The following AEBP2 variants were observed in gnomAD, a reference collection of about 807,000 sequenced individuals.
The protein encoded by AEBP2 is zinc finger protein AEBP2.
In AEBP2, 10 loss-of-function variants were observed where a neutral mutation model predicts 50.8. That is an observed-to-expected ratio of 0.20 (90% confidence interval 0.12 to 0.33). The LOEUF is 0.33. AEBP2 is among the 10% of genes least tolerant of loss of function. The pLI is 1.00. For missense variants in AEBP2, 570 were observed against 688.0 expected (o/e 0.83, Z 1.92); for synonymous variants, 296 against 261.3 (o/e 1.13, Z -1.28).
chr12:19,515,965 G>C (rs565988728), intron 7 of AEBP2, among the ~76,000 whole-genome samples: 2 of 152,160 alleles, frequency 1.3e-5, no homozygotes, highest in African/African-American at 4.8e-5. Context: ...CATGCCTGTG[G>C]TCCCAGCTAC....
Position 19,518,348 on chromosome 12 carries a change from A to T in AEBP2, c.*231A>T, listed in dbSNP as rs1188646458. On this transcript the variant is annotated 3_prime_UTR_variant, in exon 8 of 8. Coordinates refer to ENST00000266508, the MANE Select transcript of AEBP2 (RefSeq NM_153207.5). ...TTACTGTATATCCACATTTTCATGG[A>T]ATGGTACTGTGGGAGACTGAGCAAA... 1 of 1,250,838 alleles carries T rather than the reference A, an allele frequency of 8.0e-7. No individual in the cohort carries two copies. The highest frequency in any genetic ancestry group is 1.5e-5 in the African/African-American group (1 of 64,728). The allele number at this position is 1,250,838 out of a possible 1,614,324, so 77.5% of individuals were successfully genotyped here.
chr12:19,404,930 CTTTT>C (rs34351225), intron 1 of AEBP2, among the ~76,000 whole-genome samples: 6 of 95,714 alleles, frequency 6.3e-5, no homozygotes, highest in African/African-American at 2.2e-4. Flanking sequence ...CTTGGCTACT[CTTTT>C]TTTTTTTTTT....
At chr12:19,419,031 A>C (rs2095744151) in intron 1 of AEBP2, 1 of 161,392 alleles carries the variant, frequency 6.2e-6, no homozygotes, top group South Asian at 1.8e-4. Flanking sequence ...GCTAAACCAG[A>C]CATCGCCAGT....
At chr12:19,447,927 AC>A (rs1455605241) in intron 1 of AEBP2, among the ~76,000 whole-genome samples, 1 of 152,240 alleles carries the variant, frequency 6.6e-6, no homozygotes. Flanking sequence ...TACTTTAAAT[AC>A]AGTTAAACAA....
At chr12:19,471,522 GAGA>G (rs1160124432) in intron 2 of AEBP2, among the ~76,000 whole-genome samples, 1 of 150,930 alleles carries the variant, frequency 6.6e-6, no homozygotes, top group East Asian at 1.9e-4. Flanking sequence ...TTTTTTTGGA[GAGA>G]AGGTCTCACT....
At chr12:19,479,616 T>A (rs976387392) in intron 3 of AEBP2, among the ~76,000 whole-genome samples, 1 of 152,026 alleles carries the variant, frequency 6.6e-6, no homozygotes, top group Non-Finnish European at 1.5e-5. Flanking sequence ...AGTAATTATT[T>A]TATAAATTTG....
intron 6 of AEBP2, among the ~76,000 whole-genome samples, chr12:19,514,206 G>A (rs1949285474): frequency 6.6e-6 from 1 of 151,910 alleles, no homozygotes; most frequent in African/African-American, 2.4e-5. Flanking sequence ...CACCATGTTG[G>A]CCAGTGTGGT....
chr12:19,414,120 C>T (rs2095740916), intron 1 of AEBP2, among the ~76,000 whole-genome samples: 1 of 152,028 alleles, frequency 6.6e-6, no homozygotes, highest in Admixed American at 6.6e-5. Flanking sequence ...TCTTGAACTC[C>T]TGACCTCGTG....
upstream of AEBP2, among the ~76,000 whole-genome samples, chr12:19,436,310 C>G (rs1296110983): frequency 6.6e-6 from 1 of 152,150 alleles, no homozygotes; most frequent in East Asian, 1.9e-4. Flanking sequence ...ACTGCCCACC[C>G]TTTTCCTGGA....
chr12:19,452,588 C>G (rs1029068554), intron 1 of AEBP2, among the ~76,000 whole-genome samples: 6 of 152,084 alleles, frequency 3.9e-5, no homozygotes, highest in Middle Eastern at 3.4e-3. Flanking sequence ...CAAGCCTAGA[C>G]TAAATATTAG....
At chr12:19,415,841 G>C (rs2095742308) in intron 1 of AEBP2, among the ~76,000 whole-genome samples, 2 of 152,118 alleles carry the variant, frequency 1.3e-5, no homozygotes, top group South Asian at 4.1e-4. Context: ...AAGAACACTA[G>C]AGGATTCTGG....
intron 2 of AEBP2, among the ~76,000 whole-genome samples, chr12:19,468,126 T>TTGTGTGTG (rs10643072): frequency 0.08 from 11,496 of 143,952 alleles, 643 homozygotes; most frequent in Admixed American, 0.18. Flanking sequence ...CTGCCTGACT[T>TTGTGTGTG]TGTGTGTGTG....
chr12:19,456,827 A>G lies in AEBP2; in HGVS notation c.672-5683A>G. On this transcript the variant is annotated intron_variant, in intron 1 of 7. Coordinates refer to ENST00000266508, the MANE Select transcript of AEBP2 (RefSeq NM_153207.5). Reference sequence around the variant, plus strand: ...CCACCATACCAGGTTTGAGAACACCAGTCTCCACTCGGCCAACAGGAACAG... The same window carrying G: ...CCACCATACCAGGTTTGAGAACACCGGTCTCCACTCGGCCAACAGGAACAG... 16 of 1,547,352 alleles carry G rather than the reference A, an allele frequency of 1.0e-5. No homozygotes were observed. The South Asian group carries it at 1.8e-4, about 17-fold the overall frequency.
chr12:19,406,040 C>T (rs2095736117), intron 1 of AEBP2, among the ~76,000 whole-genome samples: 1 of 150,626 alleles, frequency 6.6e-6, no homozygotes, highest in Admixed American at 6.6e-5. Context: ...AATCTTGGCT[C>T]ACTGCAACCT....
At chr12:19,404,204 G>A (rs2095734825) in exon 1 of AEBP2, 1 of 152,264 alleles carries the variant, frequency 6.6e-6, no homozygotes, top group South Asian at 2.1e-4. Flanking sequence ...ACTTCCCAGC[G>A]GTCCTTTGTG....
chr12:19,510,605 T>G (rs1949219370), intron 5 of AEBP2, among the ~76,000 whole-genome samples: 1 of 152,128 alleles, frequency 6.6e-6, no homozygotes, highest in Admixed American at 6.6e-5. Flanking sequence ...TAAATGAATG[T>G]TTAGTAATTT....
chr12:19,469,718 A>G (rs1948542048), intron 2 of AEBP2, among the ~76,000 whole-genome samples: 1 of 152,084 alleles, frequency 6.6e-6, no homozygotes. Flanking sequence ...AGCAGCTGGG[A>G]TTCTACGCAC....
chr12:19,421,677 G>A (rs1257410007), intron 1 of AEBP2, among the ~76,000 whole-genome samples: 1 of 152,202 alleles, frequency 6.6e-6, no homozygotes, highest in Non-Finnish European at 1.5e-5. Flanking sequence ...ATTCAGAATG[G>A]ATGCAAACCT....
intron 3 of AEBP2, among the ~76,000 whole-genome samples, chr12:19,489,543 T>C (rs1046046833): frequency 2.0e-5 from 3 of 152,234 alleles, no homozygotes; most frequent in Non-Finnish European, 4.4e-5. Flanking sequence ...CCCCTCATCA[T>C]TGAAATCGGT....
Sources: gnomAD v4.1 joint callset for allele counts (sites outside exome capture counted in the v4.1 genomes callset) on GRCh38, gnomAD v4.1.1 for gene constraint, MANE v1.5 for transcripts, NCBI Gene and HGNC (gene_info 2026-07-23, HGNC 2026-07-21) for gene names.